Variants in EXOC6B observed in about 807,000 individuals in gnomAD.
EXOC6B encodes SEC15 homolog B.
A neutral mutation model predicts 113.5 loss-of-function variants in EXOC6B; 54 were observed. The observed-to-expected ratio is 0.48, with a 90% CI of 0.38 to 0.60. The LOEUF (loss-of-function observed/expected upper bound fraction) is 0.60. Among genes scored for constraint, EXOC6B ranks in the 20% least tolerant of loss-of-function variants. EXOC6B has a pLI of 0.00. For synonymous variants in EXOC6B, 357 were observed against 339.0 expected, an observed-to-expected ratio of 1.05 and a Z score of -0.58; for missense variants, 797 against 977.5, an observed-to-expected ratio of 0.82 and a Z score of 2.46.
chr2:72,465,854 G>A (rs1001978280), intron 17 of EXOC6B, among the ~76,000 whole-genome samples: 2 of 152,104 alleles, frequency 1.3e-5, no homozygotes, highest in Non-Finnish European at 2.9e-5. Context: ...CTGTCTTCCC[G>A]TGGAATTCAT....
chr2:72,679,536 T>C (rs1676540838), intron 6 of EXOC6B, among the ~76,000 whole-genome samples: 1 of 152,176 alleles, frequency 6.6e-6, no homozygotes, highest in Non-Finnish European at 1.5e-5. Flanking sequence ...GTATTTTCAT[T>C]AAGAAAAGGA....
chr2:72,346,580 C>T (rs879785308), intron 19 of EXOC6B, among the ~76,000 whole-genome samples: 3 of 151,966 alleles, frequency 2.0e-5, no homozygotes, highest in Non-Finnish European at 2.9e-5. Flanking sequence ...AAAACGAAGA[C>T]GATTATCATT....
intron 18 of EXOC6B, among the ~76,000 whole-genome samples, chr2:72,389,379 T>G (rs1458884024): frequency 6.6e-6 from 1 of 152,010 alleles, no homozygotes; most frequent in Non-Finnish European, 1.5e-5. Flanking sequence ...CTTCTATATA[T>G]GTTATCAATA....
chr2:72,806,906 T>G (rs1037472439), intron 1 of EXOC6B, among the ~76,000 whole-genome samples: 11 of 152,226 alleles, frequency 7.2e-5, no homozygotes, highest in African/African-American at 2.7e-4. Context: ...TTTAAGTCCT[T>G]ATAGGCTGGA....
chr2:72,702,483 TGAG>T (rs1678443479), intron 6 of EXOC6B, among the ~76,000 whole-genome samples: 1 of 129,162 alleles, frequency 7.7e-6, no homozygotes, highest in Admixed American at 8.3e-5. Context: ...TCTAGATCCC[TGAG>T]GAGTCGCCAC....
chr2:72,698,580 G>T (rs1373775196), intron 6 of EXOC6B, among the ~76,000 whole-genome samples: 1 of 151,896 alleles, frequency 6.6e-6, no homozygotes, highest in East Asian at 1.9e-4. Flanking sequence ...TCTATTTCTT[G>T]TGTACTAACT....
At chr2:72,741,091 G>A (rs1026331886) in intron 2 of EXOC6B, among the ~76,000 whole-genome samples, 8 of 151,080 alleles carry the variant, frequency 5.3e-5, no homozygotes, top group Non-Finnish European at 2.9e-5. Flanking sequence ...GCGACAGAGC[G>A]AGACTCCGCC....
At chr2:72,390,719 G>A (rs1443273740) in intron 18 of EXOC6B, among the ~76,000 whole-genome samples, 1 of 152,160 alleles carries the variant, frequency 6.6e-6, no homozygotes, top group Non-Finnish European at 1.5e-5. Flanking sequence ...TCTCATTGCT[G>A]TCTCTGCTGT....
intron 17 of EXOC6B, among the ~76,000 whole-genome samples, chr2:72,466,635 C>A (rs148915448): frequency 6.6e-6 from 1 of 151,928 alleles, no homozygotes; most frequent in Non-Finnish European, 1.5e-5. Flanking sequence ...CTAATGTGAA[C>A]AATGCTTTAT....
At chr2:72,764,037 C>A (rs1573757108) in intron 1 of EXOC6B, among the ~76,000 whole-genome samples, 1 of 152,144 alleles carries the variant, frequency 6.6e-6, no homozygotes, top group East Asian at 1.9e-4. Context: ...TGTGATTGTA[C>A]CCCTGCACTC....
At chr2:72,385,564 A>G (rs1186494801) in intron 18 of EXOC6B, among the ~76,000 whole-genome samples, 1 of 152,138 alleles carries the variant, frequency 6.6e-6, no homozygotes, top group Admixed American at 6.6e-5. Flanking sequence ...AACAATCAAA[A>G]GTGTGAAGAG....
rs1369498455 is a variant in EXOC6B, at chr2:72,176,184, T to C, written c.*3151A>G. 1 of 151,326 alleles carries C rather than the reference T, an allele frequency of 6.6e-6. No individual in the cohort carries two copies. The highest frequency in any genetic ancestry group is 1.5e-5 in the Non-Finnish European group (1 of 67,924). 9.4% of individuals were successfully genotyped at this position (151,326 alleles called of 1,614,324 possible). A position where few individuals can be genotyped will look rare whatever the true frequency, so the allele number is the denominator to read the frequency against. The stretch of plus-strand genomic sequence containing the variant: ...AAATGGACTTTCCTAATTTTCTCTA[T>C]ATATGTGCAACTATCTGTGTAAAAT... On this transcript the variant is annotated 3_prime_UTR_variant, in exon 22 of 22. Transcript: ENST00000272427.
At chr2:72,570,050 A>G (rs1704425861) in intron 7 of EXOC6B, among the ~76,000 whole-genome samples, 1 of 152,186 alleles carries the variant, frequency 6.6e-6, no homozygotes, top group African/African-American at 2.4e-5. Flanking sequence ...CCTTAGTCCC[A>G]ATGTGACTGT....
At chr2:72,716,929 A>C (rs780021711) in intron 6 of EXOC6B, among the ~76,000 whole-genome samples, 2 of 152,178 alleles carry the variant, frequency 1.3e-5, no homozygotes, top group Non-Finnish European at 2.9e-5. Context: ...GCTTAGGAAA[A>C]ACTGAACCAA....
chr2:72,216,377 T>C (rs1448211490), intron 20 of EXOC6B, among the ~76,000 whole-genome samples: 4 of 152,194 alleles, frequency 2.6e-5, no homozygotes, highest in Non-Finnish European at 5.9e-5. Flanking sequence ...CCAGTCAGCA[T>C]GGCAATTATT....
At chr2:72,492,531 TAGC>T (rs1699800273) in intron 15 of EXOC6B, 102 bp from the exon 16 acceptor site, 1 of 634,174 alleles carries the variant, frequency 1.6e-6, no homozygotes. Flanking sequence ...AAAATAATAA[TAGC>T]AGCAGCAAAT....
chr2:72,338,173 A>G (rs1355060435), intron 19 of EXOC6B, among the ~76,000 whole-genome samples: 3 of 152,188 alleles, frequency 2.0e-5, no homozygotes, highest in Non-Finnish European at 2.9e-5. Context: ...ACACTTCAAT[A>G]TCTTTATCTC....
intron 1 of EXOC6B, among the ~76,000 whole-genome samples, chr2:72,806,823 T>C (rs1443822019): frequency 6.6e-6 from 1 of 152,212 alleles, no homozygotes; most frequent in East Asian, 1.9e-4. Context: ...GTTGGCTGTA[T>C]GTGTGTCTTC....
intron 19 of EXOC6B, among the ~76,000 whole-genome samples, chr2:72,348,689 A>G (rs1449516377): frequency 6.6e-6 from 1 of 152,192 alleles, no homozygotes; most frequent in African/African-American, 2.4e-5. Context: ...TGATGACAGT[A>G]GCAAACTTGA....
Sources: allele counts gnomAD v4.1 joint callset (sites outside exome capture counted in the v4.1 genomes callset), GRCh38; gene constraint gnomAD v4.1.1; transcripts MANE v1.5; gene names NCBI Gene and HGNC (gene_info 2026-07-23, HGNC 2026-07-21).